The following RANBP17 variants were observed in gnomAD, a reference collection of about 807,000 sequenced individuals.
The protein encoded by RANBP17 is ran-binding protein 17.
RANBP17 carries 158 observed loss-of-function variants against 141.2 expected under a neutral mutation model. That is an observed-to-expected ratio of 1.12 (90% CI 0.98 to 1.28). RANBP17 has a LOEUF of 1.28. RANBP17 is among the 50% of genes most tolerant of loss of function. The probability of loss-of-function intolerance (pLI) is 0.00; values close to 1 mark genes in which losing one functional copy is unlikely to be tolerated. For synonymous variants in RANBP17, 430 were observed against 450.0 expected (o/e 0.96, Z 0.56); for missense variants, 1,438 against 1,290.7 (o/e 1.11, Z -1.75).
At chr5:171,195,662 C>T (rs1361846378) in intron 18 of RANBP17, among the ~76,000 whole-genome samples, 2 of 152,182 alleles carry the variant, frequency 1.3e-5, no homozygotes, top group Admixed American at 1.3e-4. Flanking sequence ...CATTAGTCCC[C>T]ATCTCTGATG....
At chr5:171,160,056 C>G (rs868010062) in intron 14 of RANBP17, among the ~76,000 whole-genome samples, 7 of 151,708 alleles carry the variant, frequency 4.6e-5, no homozygotes, top group Non-Finnish European at 1.0e-4. Flanking sequence ...GAAAACTTAC[C>G]TTGGAGATAG....
At chr5:171,185,218 T>A (rs1761153504) in intron 18 of RANBP17, among the ~76,000 whole-genome samples, 1 of 152,180 alleles carries the variant, frequency 6.6e-6, no homozygotes, top group African/African-American at 2.4e-5. Context: ...CTAGCAAACA[T>A]CTGAGCTTTC....
At chr5:171,189,547 C>A (rs570297159) in intron 18 of RANBP17, among the ~76,000 whole-genome samples, 8 of 152,124 alleles carry the variant, frequency 5.3e-5, no homozygotes, top group Non-Finnish European at 7.3e-5. Context: ...ACCAAGACAC[C>A]GTCATTGTGG....
Position 171,053,925 on chromosome 5 carries a change from A to ATATATATATT in RANBP17, c.1710+85548_1710+85549insTATATATATT, listed in dbSNP as rs1491125081. The stretch of plus-strand genomic sequence containing the variant: ...TATATATATATATATATATATATAT[A>ATATATATATT]ATTGCTGTATTTGATGCATATATGC... On this transcript the variant is annotated intron_variant, in intron 14 of 27. Coordinates refer to ENST00000523189, the MANE Select transcript of RANBP17 (RefSeq NM_022897.5). 3.1e-3 allele frequency among the ~76,000 whole-genome samples: 99 copies of ATATATATATT among 32,406 alleles called. 12 individuals are homozygous for ATATATATATT. Among genetic ancestry groups the ATATATATATT allele is most frequent in the Non-Finnish European group, 4.8e-3 (73 of 15,104 alleles). The allele number at this position is 32,406 out of a possible 152,430, so 21.3% of individuals were successfully genotyped here. A position where few individuals can be genotyped will look rare whatever the true frequency, so the allele number is the denominator to read the frequency against.
chr5:170,976,500 T>C (rs1777389034), intron 14 of RANBP17, among the ~76,000 whole-genome samples: 1 of 152,158 alleles, frequency 6.6e-6, no homozygotes, highest in Admixed American at 6.5e-5. Flanking sequence ...TAAATTTGTG[T>C]GAAATTAAAA....
At chr5:171,128,717 T>A (rs532924182) in intron 14 of RANBP17, among the ~76,000 whole-genome samples, 6 of 152,280 alleles carry the variant, frequency 3.9e-5, no homozygotes, top group Non-Finnish European at 2.9e-5. Context: ...ATCCTAAACA[T>A]CTTGATTTTA....
intron 14 of RANBP17, among the ~76,000 whole-genome samples, chr5:171,155,094 A>AAAAAAAAAAAAAT (rs34090443): frequency 1.3e-5 from 1 of 74,988 alleles, no homozygotes; most frequent in African/African-American, 5.2e-5. Context: ...AAAAAAAAAA[A>AAAAAAAAAAAAAT]ATATATATAT....
chr5:171,171,362 T>A, intron 16 of RANBP17, 76 bp downstream of exon 16: 1 of 822,430 alleles, frequency 1.2e-6, no homozygotes, highest in Middle Eastern at 2.4e-4. Context: ...GGTATTCTCC[T>A]TGTTTATAAT....
At chr5:171,213,018 T>A (rs1763000915) in intron 20 of RANBP17, among the ~76,000 whole-genome samples, 2 of 152,162 alleles carry the variant, frequency 1.3e-5, no homozygotes, top group African/African-American at 4.8e-5. Flanking sequence ...TTGAGTAGAT[T>A]AATAGTTACT....
At chr5:171,057,268 C>T (rs1297545060) in intron 14 of RANBP17, among the ~76,000 whole-genome samples, 1 of 152,068 alleles carries the variant, frequency 6.6e-6, no homozygotes, top group African/African-American at 2.4e-5. Context: ...ACAAATCCTC[C>T]ACAACTTGAT....
intron 18 of RANBP17, among the ~76,000 whole-genome samples, chr5:171,183,968 T>C (rs1247732827): frequency 6.6e-6 from 1 of 152,180 alleles, no homozygotes; most frequent in Non-Finnish European, 1.5e-5. Flanking sequence ...GTGCAAATGG[T>C]ATGATCATGT....
intron 14 of RANBP17, among the ~76,000 whole-genome samples, chr5:171,097,652 T>TATA (rs1324484775): frequency 1.8e-4 from 25 of 140,972 alleles, no homozygotes; most frequent in African/African-American, 6.7e-4. Flanking sequence ...TTATTATTAT[T>TATA]ATACTTTAAG....
intron 14 of RANBP17, among the ~76,000 whole-genome samples, chr5:171,018,774 C>A (rs1434141820): frequency 6.6e-6 from 1 of 152,154 alleles, no homozygotes; most frequent in African/African-American, 2.4e-5. Context: ...GTTGCCCTGG[C>A]CAGAACTTCC....
At position 170,918,833 on chromosome 5, in the gene RANBP17, G is replaced by T; in HGVS notation, c.1075G>T (p.Ala359Ser). Residue 359 changes from alanine (A) to serine (S), a missense_variant, in exon 10 of 28, where the codon GCT becomes TCT. Transcript: ENST00000523189. ...KEYPEVIRLI[A>S]NFTITSLQHW... ...ATATCCTGAAGTTATTAGATTGATT[G>T]CTAATTTTACCATTACTAGCCTACA... 6.3e-7 allele frequency: 1 copy of T among 1,581,168 alleles called. No individual in the cohort carries two copies. Among genetic ancestry groups the T allele is most frequent in the Non-Finnish European group, 8.6e-7 (1 of 1,161,554 alleles).
chr5:171,284,808 ACTT>A (rs1768058943), intron 25 of RANBP17: 1 of 152,098 alleles, frequency 6.6e-6, no homozygotes, highest in Admixed American at 6.6e-5. Context: ...CAGTATCTAA[ACTT>A]CTTACCTTGC....
chr5:171,160,450 G>A (rs1030150688), intron 14 of RANBP17, among the ~76,000 whole-genome samples: 2 of 152,066 alleles, frequency 1.3e-5, no homozygotes, highest in African/African-American at 4.8e-5. Flanking sequence ...TACCAGGACT[G>A]TTATAGGTCC....
At chr5:170,955,874 AT>A (rs1026698384) in intron 13 of RANBP17, among the ~76,000 whole-genome samples, 2 of 149,140 alleles carry the variant, frequency 1.3e-5, no homozygotes, top group African/African-American at 2.4e-5. Flanking sequence ...CATTTTGAAA[AT>A]GTTTTCTCTG....
At chr5:170,896,680 A>G (rs1243952898) in intron 5 of RANBP17, among the ~76,000 whole-genome samples, 2 of 152,104 alleles carry the variant, frequency 1.3e-5, no homozygotes, top group African/African-American at 4.8e-5. Flanking sequence ...AAATACAACA[A>G]TTAGATGGGC....
chr5:170,868,502 G>A lies in RANBP17; in HGVS notation c.18+6451G>A, dbSNP rs116632601. ...GGCCAGGCTGGTCTCAAACTCCTGAGCTCAAACAGTTCACCCACCTTGGCC... is the reference window on the plus strand; with the variant it reads ...GGCCAGGCTGGTCTCAAACTCCTGAACTCAAACAGTTCACCCACCTTGGCC... On this transcript the variant is annotated intron_variant, in intron 1 of 27. Coordinates refer to ENST00000523189, the MANE Select transcript of RANBP17 (RefSeq NM_022897.5). Among the ~76,000 whole-genome samples the A allele has an allele frequency of 5.6e-3, 854 of 152,194 alleles. 6 individuals are homozygous for A. Among genetic ancestry groups the A allele is most frequent in the Middle Eastern group, 0.017 (5 of 294 alleles).
Sources: allele counts gnomAD v4.1 joint callset (sites outside exome capture counted in the v4.1 genomes callset), GRCh38; gene constraint gnomAD v4.1.1; transcripts MANE v1.5; gene names NCBI Gene and HGNC (gene_info 2026-07-23, HGNC 2026-07-21).